NELL2: variants seen among roughly 807,000 people sequenced by gnomAD.
NELL2 encodes neural EGFL like 2.
In NELL2, 41 loss-of-function variants were observed where a neutral mutation model predicts 109.6. The ratio of observed to expected loss-of-function variants is 0.37; its 90% CI spans 0.29 to 0.49. NELL2 has a LOEUF of 0.49. Ranked by LOEUF, NELL2 falls within the 20% of genes least tolerant of loss-of-function variation. NELL2 has a pLI of 0.98. For missense variants in NELL2, 900 were observed against 1,008.3 expected, an observed-to-expected ratio of 0.89 and a Z score of 1.45; for synonymous variants, 355 against 344.7, an observed-to-expected ratio of 1.03 and a Z score of -0.33.
chr12:44,759,709 C>A (rs188171790), intron 9 of NELL2, among the ~76,000 whole-genome samples: 1 of 152,320 alleles, frequency 6.6e-6, no homozygotes, highest in African/African-American at 2.4e-5. Context: ...CCATCTCAAC[C>A]ATTGACCATG....
intron 9 of NELL2, among the ~76,000 whole-genome samples, chr12:44,744,681 G>C (rs533501938): frequency 6.6e-6 from 1 of 152,138 alleles, no homozygotes; most frequent in Non-Finnish European, 1.5e-5. Flanking sequence ...ACAACTCTAC[G>C]CAAATAAACT....
At chr12:44,666,554 G>C (rs757012530) in intron 12 of NELL2, among the ~76,000 whole-genome samples, 1 of 152,182 alleles carries the variant, frequency 6.6e-6, no homozygotes, top group Non-Finnish European at 1.5e-5. Context: ...CACTACAGGG[G>C]CCATGTCATT....
chr12:44,738,831 G>C (rs1939787904), intron 9 of NELL2, among the ~76,000 whole-genome samples: 1 of 152,052 alleles, frequency 6.6e-6, no homozygotes, highest in Non-Finnish European at 1.5e-5. Flanking sequence ...ATCATAAAAA[G>C]GTAAATATGT....
intron 9 of NELL2, among the ~76,000 whole-genome samples, chr12:44,729,794 GTTTA>G (rs1382269402): frequency 6.6e-5 from 10 of 151,484 alleles, no homozygotes; most frequent in Admixed American, 5.9e-4. Context: ...TTGTTTGGTT[GTTTA>G]TTTATTCTGT....
intron 3 of NELL2, among the ~76,000 whole-genome samples, chr12:44,787,645 C>A (rs1942228393): frequency 6.6e-6 from 1 of 152,046 alleles, no homozygotes; most frequent in Non-Finnish European, 1.5e-5. Context: ...AGAATATACC[C>A]ACACAAATAT....
At chr12:44,791,105 ATATG>A (rs1233885138) in intron 3 of NELL2, among the ~76,000 whole-genome samples, 4 of 25,650 alleles carry the variant, frequency 1.6e-4, no homozygotes, top group East Asian at 5.3e-4. Context: ...ATGTATATAT[ATATG>A]TATATATATA....
At chr12:44,840,630 C>T (rs917518125) in intron 2 of NELL2, among the ~76,000 whole-genome samples, 4 of 148,896 alleles carry the variant, frequency 2.7e-5, no homozygotes, top group African/African-American at 4.9e-5. Flanking sequence ...AGCGAGACTC[C>T]GTCTCAAAAA....
At chr12:44,509,250 A>G (rs149021339) in intron 19 of NELL2, among the ~76,000 whole-genome samples, 38 of 152,300 alleles carry the variant, frequency 2.5e-4, no homozygotes, top group Non-Finnish European at 5.0e-4. Flanking sequence ...TTTGCAAAAT[A>G]TGTACTAAGT....
chr12:44,607,027 A>G lies in NELL2; in HGVS notation c.1663+142T>C, dbSNP rs990149752. On this transcript the variant is annotated intron_variant, in intron 15 of 19. Coordinates refer to ENST00000429094, the MANE Select transcript of NELL2 (RefSeq NM_001145108.2). Reference sequence around the variant, plus strand: ...GCGAAATGCATCACTGAAACTTCCCACCTCCTCCCTCCTATCACTTCCTTA... The same window carrying G: ...GCGAAATGCATCACTGAAACTTCCCGCCTCCTCCCTCCTATCACTTCCTTA... 1.1e-5 allele frequency: 7 copies of G among 640,452 alleles called. No homozygotes were observed. The African/African-American group carries it at 1.3e-4, about 12-fold the overall frequency. 39.7% of individuals were successfully genotyped at this position (640,452 alleles called of 1,614,324 possible).
chr12:44,683,052 G>C (rs578133397), intron 12 of NELL2, among the ~76,000 whole-genome samples: 58 of 152,202 alleles, frequency 3.8e-4, no homozygotes, highest in Non-Finnish European at 4.6e-4. Flanking sequence ...TACCCGTGAG[G>C]ATGGAATGTT....
At chr12:44,600,174 T>G (rs1332659285) in intron 15 of NELL2, among the ~76,000 whole-genome samples, 1 of 144,422 alleles carries the variant, frequency 6.9e-6, no homozygotes. Flanking sequence ...ATTTATTTAT[T>G]TATTTATTGT....
At position 44,681,072 on chromosome 12, in the gene NELL2, G is replaced by A. The variant is rs920888060; in HGVS notation, c.1319-15463C>T. Reference sequence around the variant, plus strand: ...TTATTTTATTTATTTTTTTATTGTCGTAAACTTTTCTTTTAGATGAGATAA... The same window carrying A: ...TTATTTTATTTATTTTTTTATTGTCATAAACTTTTCTTTTAGATGAGATAA... On this transcript the variant is annotated intron_variant, in intron 12 of 19. Coordinates refer to ENST00000429094, the MANE Select transcript of NELL2 (RefSeq NM_001145108.2). Among the ~76,000 whole-genome samples the A allele has an allele frequency of 8.0e-5, 12 of 149,610 alleles. No homozygotes were observed. The East Asian group carries it at 1.4e-3, about 17-fold the overall frequency.
rs558532670 is a variant in NELL2 at position 44,630,387 on chromosome 12, T to G, written c.1445-19417A>C. 9.7e-4 allele frequency among the ~76,000 whole-genome samples: 148 copies of G among 152,314 alleles called. 1 individual carries two copies. The highest frequency in any genetic ancestry group is 2.9e-3 in the African/African-American group (122 of 41,574). ...GTAGAGGAACTAGAATTCAAATAGA[T>G]CTGTCAAACTTAGAGACTAAATTCT... On this transcript the variant is annotated intron_variant, in intron 13 of 19. Coordinates refer to ENST00000429094, the MANE Select transcript of NELL2 (RefSeq NM_001145108.2).
chr12:44,587,303 A>T (rs1325265890), intron 15 of NELL2, among the ~76,000 whole-genome samples: 40 of 118,800 alleles, frequency 3.4e-4, no homozygotes, highest in African/African-American at 1.4e-3. Flanking sequence ...ATATATATAT[A>T]TATATTTTTT....
intron 3 of NELL2, among the ~76,000 whole-genome samples, chr12:44,804,243 A>T (rs1194583395): frequency 6.6e-6 from 1 of 152,078 alleles, no homozygotes; most frequent in South Asian, 2.1e-4. Context: ...AGATGACAGC[A>T]TGTCAATCAC....
chr12:44,918,804 A>G (rs1945848032), upstream of NELL2, among the ~76,000 whole-genome samples: 1 of 152,142 alleles, frequency 6.6e-6, no homozygotes, highest in South Asian at 2.1e-4. Flanking sequence ...AGAGGAGATT[A>G]ATGGCAGTCC....
chr12:44,821,704 C>T (rs1398608301), intron 2 of NELL2, among the ~76,000 whole-genome samples: 1 of 151,648 alleles, frequency 6.6e-6, no homozygotes, highest in Non-Finnish European at 1.5e-5. Flanking sequence ...TTTCTATTAT[C>T]ATTAAAGTTT....
intron 15 of NELL2, among the ~76,000 whole-genome samples, chr12:44,606,633 C>G (rs1327510889): frequency 6.6e-6 from 1 of 151,950 alleles, no homozygotes; most frequent in Non-Finnish European, 1.5e-5. Context: ...TTTTAATATT[C>G]ACGTCCATCA....
At chr12:44,876,735 T>G (rs1945339278), upstream of NELL2, 1 of 1,528,782 alleles carries the variant, frequency 6.5e-7, no homozygotes, top group Non-Finnish European at 8.8e-7. Context: ...TGTGCACTCG[T>G]GCACTGGGCT....
Sources: allele counts gnomAD v4.1 joint callset (sites outside exome capture counted in the v4.1 genomes callset), GRCh38; gene constraint gnomAD v4.1.1; transcripts MANE v1.5; gene names NCBI Gene and HGNC (gene_info 2026-07-23, HGNC 2026-07-21).